Variants in COL4A2 observed in about 807,000 individuals in gnomAD.
COL4A2 encodes the protein collagen type IV alpha 2 chain, also known as collagen alpha-2(IV) chain.
Under a neutral mutation model 200.2 loss-of-function variants are expected in COL4A2, and 99 were observed. The observed-to-expected ratio is 0.49, with a 90% CI of 0.42 to 0.58. The LOEUF is 0.58. COL4A2 is among the 20% of genes least tolerant of loss of function. COL4A2 has a pLI of 0.00. For synonymous variants in COL4A2, 897 were observed against 900.6 expected, an observed-to-expected ratio of 1.00 and a Z score of 0.07; for missense variants, 1,950 against 2,314.1, an observed-to-expected ratio of 0.84 and a Z score of 3.23.
At chr13:110,457,457 G>T (rs373871404) in intron 21 of COL4A2, 22 bp downstream of exon 21, 2 of 1,394,288 alleles carry the variant, frequency 1.4e-6, no homozygotes, top group South Asian at 1.2e-5. Context: ...TGGGAGGGAC[G>T]GGATGAGGAC....
intron 3 of COL4A2, among the ~76,000 whole-genome samples, chr13:110,331,415 A>T (rs1348300821): frequency 1.3e-5 from 2 of 152,204 alleles, no homozygotes; most frequent in Non-Finnish European, 2.9e-5. Context: ...TATTAACGTC[A>T]ACAGTGATGA....
chr13:110,475,255 G>T (rs901585735), intron 29 of COL4A2, among the ~76,000 whole-genome samples: 1 of 152,210 alleles, frequency 6.6e-6, no homozygotes, highest in African/African-American at 2.4e-5. Context: ...GCAAATCAGC[G>T]CTGTCTGCAG....
At chr13:110,500,675 G>A (rs1012960557) in intron 40 of COL4A2, among the ~76,000 whole-genome samples, 2 of 152,154 alleles carry the variant, frequency 1.3e-5, no homozygotes, top group African/African-American at 2.4e-5. Context: ...TTGCTCCTAG[G>A]GGAAATACAA....
rs749949054 is a variant in COL4A2 at position 110,450,338 on chromosome 13, C to G, written c.1223C>G (p.Pro408Arg). ...AGAGGCCTGCCGGGTGAGATGGGAC[C>G]CAAGGGCTTCATCGGAGACCCCGGC... The part of the protein sequence containing the change: ...QRRGLPGEMG[P>R]KGFIGDPGIP... The change falls in exon 20 of 48, where the codon CCC (proline) becomes CGC (arginine). Residue 408 changes from proline (P) to arginine (R), a missense_variant. Physicochemically the swap from Pro to Arg is moderately radical, Grantham distance 103. Around this residue, in one of 2 missense-constraint regions of COL4A2, gnomAD observed 565 missense variants for 593.5 expected, o/e 0.95. Coordinates refer to ENST00000360467, the MANE Select transcript of COL4A2 (RefSeq NM_001846.4). 68 of 1,613,734 alleles carry G rather than the reference C, an allele frequency of 4.2e-5. No homozygotes were observed. Among genetic ancestry groups the G allele is most frequent in the Non-Finnish European group, 5.6e-5 (66 of 1,179,826 alleles).
At chr13:110,332,860 T>C (rs1163296970) in intron 3 of COL4A2, among the ~76,000 whole-genome samples, 1 of 152,234 alleles carries the variant, frequency 6.6e-6, no homozygotes, top group Non-Finnish European at 1.5e-5. Flanking sequence ...ATGGTGAAGC[T>C]CACTGCTGAG....
At position 110,431,239 on chromosome 13, in the gene COL4A2, A is replaced by G. The variant is rs919957562; in HGVS notation, c.648+632A>G. On this transcript the variant is annotated intron_variant, in intron 10 of 47. Transcript: ENST00000360467. Reference sequence around the variant, plus strand: ...AGATAAATAGGCCTTAACTTACACAAGGAGCGATTTGGGCTGCAGGTGAGA... The same window carrying G: ...AGATAAATAGGCCTTAACTTACACAGGGAGCGATTTGGGCTGCAGGTGAGA... 2.0e-5 allele frequency among the ~76,000 whole-genome samples: 3 copies of G among 152,294 alleles called. No homozygotes were observed. In the East Asian group the frequency reaches 5.8e-4, roughly 29 times the overall value.
At chr13:110,475,252 A>G (rs1477039618) in intron 29 of COL4A2, among the ~76,000 whole-genome samples, 1 of 152,254 alleles carries the variant, frequency 6.6e-6, no homozygotes, top group Non-Finnish European at 1.5e-5. Context: ...GATGCAAATC[A>G]GCGCTGTCTG....
At chr13:110,344,625 A>G (rs1249363783) in intron 3 of COL4A2, among the ~76,000 whole-genome samples, 1 of 152,184 alleles carries the variant, frequency 6.6e-6, no homozygotes, top group Non-Finnish European at 1.5e-5. Flanking sequence ...CAAACTGTCA[A>G]GGAATGGAAC....
At chr13:110,437,342 G>T (rs541590021) in intron 13 of COL4A2, among the ~76,000 whole-genome samples, 4 of 152,190 alleles carry the variant, frequency 2.6e-5, no homozygotes, top group Non-Finnish European at 5.9e-5. Flanking sequence ...TCAATCTTCC[G>T]AGTCAAGTTT....
intron 19 of COL4A2, 92 bp from the exon 20 acceptor site, chr13:110,450,213 T>A: frequency 9.1e-7 from 1 of 1,094,268 alleles, no homozygotes; most frequent in Non-Finnish European, 1.4e-6. Context: ...TGAAGCCCGC[T>A]AGTGCCCCAG....
chr13:110,371,523 T>C (rs1394800979), intron 4 of COL4A2, among the ~76,000 whole-genome samples: 1 of 152,240 alleles, frequency 6.6e-6, no homozygotes, highest in Admixed American at 6.5e-5. Flanking sequence ...CTTAATCTTA[T>C]CTGAGAACTT....
At chr13:110,431,666 A>G (rs536965475) in intron 10 of COL4A2, among the ~76,000 whole-genome samples, 1 of 152,344 alleles carries the variant, frequency 6.6e-6, no homozygotes, top group Admixed American at 6.5e-5. Flanking sequence ...AGTCCGGCAC[A>G]ACAGATTGTA....
chr13:110,417,282 G>A (rs529898139), intron 4 of COL4A2, among the ~76,000 whole-genome samples: 23 of 152,300 alleles, frequency 1.5e-4, no homozygotes, highest in African/African-American at 4.8e-4. Context: ...AAAAGCATTC[G>A]GCTAAGTGTT....
At chr13:110,371,836 G>T (rs1325569637) in intron 4 of COL4A2, among the ~76,000 whole-genome samples, 1 of 152,150 alleles carries the variant, frequency 6.6e-6, no homozygotes, top group South Asian at 2.1e-4. Context: ...CGTGCCGGGA[G>T]CTCATTGTCT....
intron 4 of COL4A2, among the ~76,000 whole-genome samples, chr13:110,388,739 G>A (rs1320994804): frequency 6.6e-6 from 1 of 152,176 alleles, no homozygotes; most frequent in African/African-American, 2.4e-5. Context: ...TATAGCTTGA[G>A]GGAAAACTCT....
At chr13:110,384,213 A>T (rs562400247) in intron 4 of COL4A2, among the ~76,000 whole-genome samples, 12 of 152,348 alleles carry the variant, frequency 7.9e-5, no homozygotes, top group African/African-American at 2.9e-4. Context: ...TTAGGTCGTA[A>T]TCATACATCA....
At chr13:110,388,567 C>A (rs1157431572) in intron 4 of COL4A2, among the ~76,000 whole-genome samples, 2 of 152,190 alleles carry the variant, frequency 1.3e-5, no homozygotes, top group African/African-American at 4.8e-5. Flanking sequence ...AGTTTTTAAT[C>A]CATCAGAGAG....
intron 4 of COL4A2, among the ~76,000 whole-genome samples, chr13:110,417,088 C>T (rs1880071398): frequency 6.6e-6 from 1 of 151,828 alleles, no homozygotes; most frequent in Non-Finnish European, 1.5e-5. Context: ...TCACGCCATT[C>T]TTCTGCCTCA....
rs1245136863 is a variant in COL4A2, at chr13:110,420,580, CTT to C, written c.181-4151_181-4150del. ...TATGCAAAGACATTTAAACTAGACTCTTTTCACTTTCTGGGAGTAATTTTTAT... is the reference window on the plus strand; with the variant it reads ...TATGCAAAGACATTTAAACTAGACTCTTCACTTTCTGGGAGTAATTTTTAT... On this transcript the variant is annotated intron_variant, in intron 4 of 47. Coordinates refer to ENST00000360467, the MANE Select transcript of COL4A2 (RefSeq NM_001846.4). Among the ~76,000 whole-genome samples, 6 of 152,316 alleles carry C rather than the reference CTT, an allele frequency of 3.9e-5. No individual in the cohort carries two copies. The East Asian group carries it at 9.6e-4, about 24-fold the overall frequency.
Sources: allele counts gnomAD v4.1 joint callset (sites outside exome capture counted in the v4.1 genomes callset), GRCh38; gene constraint gnomAD v4.1.1; regional missense constraint gnomAD v4.1.1; transcripts MANE v1.5; gene names NCBI Gene and HGNC (gene_info 2026-07-23, HGNC 2026-07-21).